Variants in LAX1 observed in about 807,000 individuals in gnomAD.
LAX1 encodes lymphocyte transmembrane adaptor 1.
Under a neutral mutation model 20.7 loss-of-function variants are expected in LAX1, and 17 were observed. The ratio of observed to expected loss-of-function variants is 0.82; its 90% CI spans 0.56 to 1.23. The LOEUF (loss-of-function observed/expected upper bound fraction) is 1.23, where lower values mean the gene tolerates loss of function less well. Ranked by LOEUF, LAX1 falls within the 50% of genes most tolerant of loss-of-function variation. The pLI, the probability that LAX1 is intolerant of heterozygous loss-of-function variation, is 0.00. For synonymous variants in LAX1, 165 were observed against 181.0 expected (o/e 0.91, Z 0.71); for missense variants, 470 against 487.0 (o/e 0.97, Z 0.33).
Position 203,772,146 on chromosome 1 carries a change from TGGTAAGAGTCAA to T in LAX1, c.390+1_390+12del. On this transcript the variant is annotated splice_donor_variant and splice_donor_5th_base_variant and coding_sequence_variant and intron_variant, in exon 4 of 5. Coordinates refer to ENST00000442561, the MANE Select transcript of LAX1 (RefSeq NM_017773.4). LOFTEE classifies it high-confidence loss of function. Reference sequence around the variant, plus strand: ...AGAAATTCTGAGAGCCCGGAGCATGTGGTAAGAGTCAAGCTTCTTGGGAGAATGACATGTCTC... The same window carrying T: ...AGAAATTCTGAGAGCCCGGAGCATGTGCTTCTTGGGAGAATGACATGTCTC... 6.2e-7 allele frequency: 1 copy of T among 1,611,108 alleles called. No individual in the cohort carries two copies. Among genetic ancestry groups the T allele is most frequent in the South Asian group, 1.1e-5 (1 of 91,036 alleles).
intron 1 of LAX1, among the ~76,000 whole-genome samples, chr1:203,768,122 C>T (rs774313752): frequency 4.7e-4 from 72 of 152,202 alleles, no homozygotes; most frequent in Non-Finnish European, 8.5e-4. Context: ...ACCAGCCTGA[C>T]GAATATGATG....
At chr1:203,765,952 A>G (rs137961385) in intron 1 of LAX1, among the ~76,000 whole-genome samples, 2 of 152,190 alleles carry the variant, frequency 1.3e-5, no homozygotes, top group East Asian at 3.8e-4. Context: ...GAACCCTATC[A>G]TCAGTCTTTC....
At chr1:203,765,762 A>C (rs995744145) in intron 1 of LAX1, 108 bp downstream of exon 1, 1 of 1,028,032 alleles carries the variant, frequency 9.7e-7, no homozygotes, top group Non-Finnish European at 1.5e-6. Context: ...CTCAACACCC[A>C]GGCTCGGTCT....
chr1:203,770,338 C>T (rs915989281), intron 1 of LAX1, among the ~76,000 whole-genome samples: 3 of 144,938 alleles, frequency 2.1e-5, no homozygotes, highest in Admixed American at 7.0e-5. Context: ...ATGGCTTGAA[C>T]CCAGGAGGCG....
rs917884353 is a variant in LAX1 at position 203,774,474 on chromosome 1, C to T, written c.990C>T (p.Thr330=). The stretch of plus-strand genomic sequence containing the variant: ...AGGACAAGACAGATGATCCCGGGAC[C>T]CATGTCCAATGTGTCAAAAGGACAT... ...HVEDKTDDPG[T]HVQCVKRTFL... The change falls in exon 5 of 5, where the codon ACC becomes ACT. Residue 330 remains threonine, a synonymous_variant. Coordinates refer to ENST00000442561, the MANE Select transcript of LAX1 (RefSeq NM_017773.4). 25 of 1,614,046 alleles carry T rather than the reference C, an allele frequency of 1.5e-5. No individual in the cohort carries two copies. The highest frequency in any genetic ancestry group is 5.0e-5 in the Admixed American group (3 of 59,994).
intron 4 of LAX1, among the ~76,000 whole-genome samples, chr1:203,773,368 C>T (rs1022352409): frequency 6.6e-6 from 1 of 151,958 alleles, no homozygotes; most frequent in East Asian, 1.9e-4. Flanking sequence ...GCGGGAGAAT[C>T]GATTGAACAC....
rs375084141 is a variant in LAX1, at chr1:203,773,955, C to T, written c.471C>T (p.Asn157=). 5.2e-5 allele frequency: 84 copies of T among 1,613,942 alleles called. No homozygotes were observed. In the Middle Eastern group the frequency reaches 6.6e-4, roughly 13 times the overall value. The stretch of plus-strand genomic sequence containing the variant: ...AGTACGCGGTGGGTATCTATGACAA[C>T]GCCATGGTCCCCCAGATGTGTGGGA... ...ATEYAVGIYD[N]AMVPQMCGNL... is the part of the protein sequence containing the mutation. The change falls in exon 5 of 5, where the codon AAC becomes AAT. Residue 157 remains asparagine (N), a synonymous_variant. Transcript: ENST00000442561.
chr1:203,774,619 G>A lies in LAX1; in HGVS notation c.1135G>A (p.Ala379Thr). ...CAGTGACTATGAAAATGTGCTAACT[G>A]CCAAGTTAGGAGGCAGGGACTCTGA... ...DSSDYENVLT[A>T]KLGGRDSEQG... is the part of the protein sequence containing the mutation. The change falls in exon 5 of 5, where the codon GCC becomes ACC. Residue 379 changes from alanine to threonine, a missense_variant. By Grantham distance (58) the Ala-to-Thr change is moderately conservative. Transcript: ENST00000442561. The A allele has an allele frequency of 3.1e-6, 5 of 1,614,220 alleles. No individual in the cohort carries two copies. The highest frequency in any genetic ancestry group is 4.2e-6 in the Non-Finnish European group (5 of 1,180,042).
chr1:203,770,780 C>G lies in LAX1; in HGVS notation c.90-48C>G, dbSNP rs147808067. Reference sequence around the variant, plus strand: ...TCCAAAAGGAAATGTCTCCTCCAGCCTCTCCACCCTCCTACAGCTAGCACA... The same window carrying G: ...TCCAAAAGGAAATGTCTCCTCCAGCGTCTCCACCCTCCTACAGCTAGCACA... On this transcript the variant is annotated intron_variant, in intron 1 of 4. Transcript: ENST00000442561. The G allele has an allele frequency of 7.7e-4, 1,122 of 1,458,222 alleles. 9 individuals carry two copies. In the African/African-American group the frequency reaches 0.014, roughly 19 times the overall value. 90.3% of individuals were successfully genotyped at this position (1,458,222 alleles called of 1,614,324 possible). A position where few individuals can be genotyped will look rare whatever the true frequency, so the allele number is the denominator to read the frequency against.
intron 1 of LAX1, chr1:203,769,653 A>G (rs4951181): frequency 0.49 from 73,786 of 151,430 alleles, 19,159 homozygotes; most frequent in Non-Finnish European, 0.6. Flanking sequence ...TCAACACCCA[A>G]GCAAAACCGA....
At chr1:203,766,342 G>A (rs559523615) in intron 1 of LAX1, among the ~76,000 whole-genome samples, 30 of 152,158 alleles carry the variant, frequency 2.0e-4, no homozygotes, top group East Asian at 5.8e-4. Context: ...AAAATTAGCC[G>A]GGAGTGGTAG....
chr1:203,774,340 G>A lies in LAX1; in HGVS notation c.856G>A (p.Val286Met). The A allele has an allele frequency of 6.2e-7, 1 of 1,614,218 alleles. No individual in the cohort carries two copies. Among genetic ancestry groups the A allele is most frequent in the Non-Finnish European group, 8.5e-7 (1 of 1,180,050 alleles). The change falls in exon 5 of 5, where the codon GTG (valine) becomes ATG (methionine). Residue 286 changes from valine to methionine, a missense_variant. By Grantham distance (21) the Val-to-Met change is conservative (BLOSUM62 1). Coordinates refer to ENST00000442561, the MANE Select transcript of LAX1 (RefSeq NM_017773.4). ...LSAIQERQLW[V>M]AFQCCRDYEN... is the part of the protein sequence containing the mutation. ...TGCCATCCAGGAAAGGCAGCTCTGGGTGGCTTTTCAGTGCTGCAGAGACTA... is the reference window on the plus strand; with the variant it reads ...TGCCATCCAGGAAAGGCAGCTCTGGATGGCTTTTCAGTGCTGCAGAGACTA...
At chr1:203,770,218 C>G (rs1471476593) in intron 1 of LAX1, among the ~76,000 whole-genome samples, 1 of 151,622 alleles carries the variant, frequency 6.6e-6, no homozygotes, top group African/African-American at 2.4e-5. Flanking sequence ...GAGATTGAGA[C>G]CATCCTGGCC....
intron 4 of LAX1, among the ~76,000 whole-genome samples, chr1:203,772,725 A>T (rs1558071966): frequency 8.7e-5 from 12 of 137,710 alleles, no homozygotes; most frequent in Admixed American, 1.5e-4. Flanking sequence ...CGTGCCCAGC[A>T]TTTTTTTTTT....
chr1:203,771,049 G>C (rs1209469104), intron 2 of LAX1, 112 bp downstream of exon 2: 3 of 857,506 alleles, frequency 3.5e-6, no homozygotes, highest in Middle Eastern at 2.2e-4. Context: ...GGAGTCCTCA[G>C]TTCTTACCCG....
Position 203,774,053 on chromosome 1 carries a change from C to T in LAX1, c.569C>T (p.Ser190Leu), listed in dbSNP as rs2102270734. Residue 190 changes from serine (S) to leucine (L), a missense_variant, in exon 5 of 5, where the codon TCG (serine) becomes TTG (leucine). Ser to Leu is a moderately radical substitution (Grantham distance 145, BLOSUM62 -2). Transcript: ENST00000442561. ...TGCGCAAGCATTTCTTCAGAGGATT[C>T]GCATGATTATGTCAATGTCCCCACA... ...RDCASISSEDSHDYVNVPTAE... is the reference protein window; with the variant it reads ...RDCASISSEDLHDYVNVPTAE... 2.5e-6 allele frequency: 4 copies of T among 1,614,124 alleles called. No individual in the cohort carries two copies. The highest frequency in any genetic ancestry group is 1.7e-5 in the Admixed American group (1 of 59,998).
chr1:203,771,425 A>C lies in LAX1; in HGVS notation c.258A>C (p.Arg86Ser). Residue 86 changes from arginine to serine, a missense_variant, in exon 3 of 5, where the codon AGA (arginine) becomes AGC (serine). By Grantham distance (110) the Arg-to-Ser change is moderately radical. Transcript: ENST00000442561. ...VMPLLTLPQTRQRAKNIYDIL... is the reference protein window; with the variant it reads ...VMPLLTLPQTSQRAKNIYDIL... ...CCTTGCTGACTTTGCCACAAACCAG[A>C]CAAAGAGCCAAAAATATTTATGACA... 1 of 1,613,932 alleles carries C rather than the reference A, an allele frequency of 6.2e-7. No individual in the cohort carries two copies. Among genetic ancestry groups the C allele is most frequent in the Non-Finnish European group, 8.5e-7 (1 of 1,179,860 alleles).
intron 1 of LAX1, among the ~76,000 whole-genome samples, chr1:203,767,217 T>A (rs1188894792): frequency 6.6e-6 from 1 of 151,560 alleles, no homozygotes; most frequent in Non-Finnish European, 1.5e-5. Context: ...CCCTTGAATT[T>A]TTCTTTCTCT....
chr1:203,766,021 C>G (rs1164112624), intron 1 of LAX1, among the ~76,000 whole-genome samples: 1 of 151,830 alleles, frequency 6.6e-6, no homozygotes, highest in Non-Finnish European at 1.5e-5. Context: ...GTTTTGAGAT[C>G]CAAAAACTTG....
Sources: allele counts gnomAD v4.1 joint callset (sites outside exome capture counted in the v4.1 genomes callset), GRCh38; gene constraint gnomAD v4.1.1; transcripts MANE v1.5; gene names NCBI Gene and HGNC (gene_info 2026-07-23, HGNC 2026-07-21).